FMN1: variants seen among roughly 807,000 people sequenced by gnomAD.
FMN1 encodes formin 1, also known as formin-1.
In FMN1, 110 loss-of-function variants were observed where a neutral mutation model predicts 132.4. The observed-to-expected ratio is 0.83, with a 90% CI of 0.71 to 0.97. The LOEUF (loss-of-function observed/expected upper bound fraction) is 0.97. FMN1 is among the 50% of genes least tolerant of loss of function. The pLI, the probability that FMN1 is intolerant of heterozygous loss-of-function variation, is 0.00. For missense variants in FMN1, 1,792 were observed against 1,705.3 expected (o/e 1.05, Z -0.90); for synonymous variants, 722 against 651.7 (o/e 1.11, Z -1.64).
chr15:33,028,906 A>C (rs1400045705), intron 6 of FMN1, among the ~76,000 whole-genome samples: 1 of 152,234 alleles, frequency 6.6e-6, no homozygotes, highest in African/African-American at 2.4e-5. Context: ...CCAAACAACA[A>C]GTCATTTTCA....
intron 6 of FMN1, among the ~76,000 whole-genome samples, chr15:33,050,799 C>A (rs2036932566): frequency 6.6e-6 from 1 of 152,182 alleles, no homozygotes; most frequent in South Asian, 2.1e-4. Flanking sequence ...GTGAAAGATT[C>A]TGAGCAATCA....
chr15:33,000,447 T>A (rs1224739685), intron 7 of FMN1, among the ~76,000 whole-genome samples: 1 of 62,512 alleles, frequency 1.6e-5, no homozygotes, highest in African/African-American at 4.6e-5. Flanking sequence ...AGACTCCATC[T>A]CAGGAAAAAA....
intron 10 of FMN1, among the ~76,000 whole-genome samples, chr15:32,923,066 G>A (rs16961209): frequency 0.33 from 49,705 of 151,996 alleles, 8,434 homozygotes; most frequent in African/African-American, 0.36. Context: ...AGCTTCTTGT[G>A]AGTTTGGAAA....
At chr15:33,096,898 C>T (rs1482566885) in intron 4 of FMN1, among the ~76,000 whole-genome samples, 1 of 152,166 alleles carries the variant, frequency 6.6e-6, no homozygotes, top group Non-Finnish European at 1.5e-5. Flanking sequence ...CAACTCGCCT[C>T]GCTGCCCCAT....
intron 12 of FMN1, among the ~76,000 whole-genome samples, chr15:32,907,580 G>T (rs950740147): frequency 1.7e-4 from 26 of 152,290 alleles, no homozygotes; most frequent in African/African-American, 5.1e-4. Context: ...AAGGGACAAG[G>T]CATGGAACTC....
chr15:32,998,223 T>C (rs1193085232), intron 7 of FMN1, among the ~76,000 whole-genome samples: 1 of 152,226 alleles, frequency 6.6e-6, no homozygotes, highest in Non-Finnish European at 1.5e-5. Context: ...GCAGCTTTCC[T>C]AATGCTACCC....
intron 4 of FMN1, among the ~76,000 whole-genome samples, chr15:33,121,477 A>C (rs1340684447): frequency 6.6e-6 from 1 of 152,162 alleles, no homozygotes; most frequent in African/African-American, 2.4e-5. Flanking sequence ...GGTAGAAATC[A>C]TTTGTCTATT....
intron 4 of FMN1, among the ~76,000 whole-genome samples, chr15:33,116,862 C>G (rs923945032): frequency 8.6e-5 from 13 of 151,996 alleles, no homozygotes; most frequent in Admixed American, 7.9e-4. Flanking sequence ...ATGGAAATAA[C>G]AGAGATCTTT....
intron 4 of FMN1, among the ~76,000 whole-genome samples, chr15:33,116,223 C>CTA (rs200165254): frequency 0.016 from 2,407 of 152,078 alleles, 36 homozygotes; most frequent in Non-Finnish European, 0.025. Context: ...TGGGATTGAC[C>CTA]TAGTCTAGGA....
chr15:33,153,240 T>A lies in FMN1; in HGVS notation c.1675A>T (p.Ser559Cys). The A allele has an allele frequency of 1.3e-6, 2 of 1,536,044 alleles. No individual in the cohort carries two copies. The highest frequency in any genetic ancestry group is 2.4e-5 in the East Asian group (1 of 40,906). Reference protein sequence around the residue: ...AALNDSPCRKSRVFSGCVSAD... With the variant: ...AALNDSPCRKCRVFSGCVSAD... ...GAGACGCACCCAGAGAAGACACGGC[T>A]CTTTCTACAAGGAGAGTCATTAAGA... The change falls in exon 4 of 21, where the codon AGC becomes TGC. Residue 559 changes from serine (S) to cysteine (C), a missense_variant. Physicochemically the swap from Ser to Cys is moderately radical, Grantham distance 112. Coordinates refer to ENST00000616417, the MANE Select transcript of FMN1 (RefSeq NM_001277313.2).
At chr15:32,904,219 G>A (rs551441858) in intron 12 of FMN1, among the ~76,000 whole-genome samples, 1 of 152,268 alleles carries the variant, frequency 6.6e-6, no homozygotes, top group South Asian at 2.1e-4. Flanking sequence ...AGTGTCATGG[G>A]GGGAACATTG....
chr15:33,178,414 A>G (rs1965587980), intron 3 of FMN1, among the ~76,000 whole-genome samples: 1 of 152,206 alleles, frequency 6.6e-6, no homozygotes, highest in Admixed American at 6.5e-5. Context: ...GCCAGTCTCA[A>G]TGGTTTATGA....
intron 9 of FMN1, among the ~76,000 whole-genome samples, chr15:32,960,787 G>C (rs1216408756): frequency 6.6e-6 from 1 of 151,972 alleles, no homozygotes; most frequent in Non-Finnish European, 1.5e-5. Context: ...CCTGAGGTCA[G>C]AAGTTCGAGA....
At chr15:32,899,671 TG>T in intron 14 of FMN1, 1 of 375,108 alleles carries the variant, frequency 2.7e-6, no homozygotes, top group South Asian at 3.5e-5. Flanking sequence ...TGCAGGATCC[TG>T]GTACTGTATG....
rs1175697804 is a variant in FMN1, at chr15:33,075,985, T to C, written c.2044-10911A>G. On this transcript the variant is annotated intron_variant, in intron 5 of 20. Transcript: ENST00000616417. ...TACTGGCTAGAATCCTACTCTCAAA[T>C]ATTTCTAAGACTGGGTTGTTCCACC... Among the ~76,000 whole-genome samples, 4 of 152,336 alleles carry C rather than the reference T, an allele frequency of 2.6e-5. No individual in the cohort carries two copies. The East Asian group carries it at 7.7e-4, about 29-fold the overall frequency.
chr15:33,031,835 T>G (rs1356729303), intron 6 of FMN1, among the ~76,000 whole-genome samples: 1 of 152,222 alleles, frequency 6.6e-6, no homozygotes, highest in Non-Finnish European at 1.5e-5. Flanking sequence ...AGTTTCTATG[T>G]CCTATAAATA....
At chr15:33,169,468 C>T (rs529023445) in intron 3 of FMN1, among the ~76,000 whole-genome samples, 9 of 152,124 alleles carry the variant, frequency 5.9e-5, no homozygotes, top group Admixed American at 1.3e-4. Flanking sequence ...AAAATTCAAA[C>T]GGAATTTTGA....
intron 7 of FMN1, among the ~76,000 whole-genome samples, chr15:32,974,799 T>TG (rs2032070968): frequency 2.8e-5 from 3 of 108,510 alleles, no homozygotes; most frequent in Non-Finnish European, 6.6e-5. Context: ...TGACTTTCAC[T>TG]TAGGTCATTT....
intron 6 of FMN1, among the ~76,000 whole-genome samples, chr15:33,048,638 A>AAAAAAAAAAAAAAAAAAAAC (rs1596550336): frequency 4.6e-5 from 1 of 21,556 alleles, no homozygotes; most frequent in Non-Finnish European, 1.5e-4. Flanking sequence ...TACCAAAAAA[A>AAAAAAAAAAAAAAAAAAAAC]AAAAAAAAAA....
Sources: gnomAD v4.1 joint callset for allele counts (sites outside exome capture counted in the v4.1 genomes callset) on GRCh38, gnomAD v4.1.1 for gene constraint, MANE v1.5 for transcripts, NCBI Gene and HGNC (gene_info 2026-07-23, HGNC 2026-07-21) for gene names.